Variants in DPP10 observed in about 807,000 individuals in gnomAD.
DPP10 encodes the protein dipeptidyl peptidase like 10.
Under a neutral mutation model 120.9 loss-of-function variants are expected in DPP10, and 33 were observed. That is an observed-to-expected ratio of 0.27 (90% CI 0.21 to 0.37). The LOEUF is 0.37. DPP10 is among the 10% of genes least tolerant of loss of function. The pLI is 1.00. For synonymous variants in DPP10, 337 were observed against 326.1 expected (o/e 1.03, Z -0.36); for missense variants, 816 against 942.8 (o/e 0.87, Z 1.76).
intron 3 of DPP10, among the ~76,000 whole-genome samples, chr2:115,448,551 G>T (rs542718328): frequency 1.3e-5 from 2 of 152,222 alleles, no homozygotes; most frequent in South Asian, 4.1e-4. Context: ...TCCAATGTTT[G>T]TAAAACTTGC....
At chr2:115,493,957 A>G (rs1261361447) in intron 3 of DPP10, among the ~76,000 whole-genome samples, 2 of 151,952 alleles carry the variant, frequency 1.3e-5, no homozygotes, top group Non-Finnish European at 2.9e-5. Context: ...TTATTTATTT[A>G]TTTATTTTTT....
intron 8 of DPP10, among the ~76,000 whole-genome samples, chr2:115,733,817 A>G (rs1241949782): frequency 4.6e-5 from 7 of 152,234 alleles, no homozygotes; most frequent in Admixed American, 1.3e-4. Flanking sequence ...TGAAAACTCC[A>G]TCTGCTCTGC....
At chr2:115,485,795 C>T (rs1285740326) in intron 3 of DPP10, among the ~76,000 whole-genome samples, 1 of 152,068 alleles carries the variant, frequency 6.6e-6, no homozygotes, top group African/African-American at 2.4e-5. Flanking sequence ...AGAACTATAA[C>T]ATCTATTAAT....
At chr2:115,200,872 T>C (rs1264789059) in intron 1 of DPP10, among the ~76,000 whole-genome samples, 1 of 152,180 alleles carries the variant, frequency 6.6e-6, no homozygotes, top group African/African-American at 2.4e-5. Context: ...TATTTGCAGT[T>C]CCTGAAGACT....
At position 115,152,837 on chromosome 2, in the gene DPP10, C is replaced by A. The variant is rs191070849; in HGVS notation, c.61-156402C>A. Among the ~76,000 whole-genome samples, 88 of 152,220 alleles carry A rather than the reference C, an allele frequency of 5.8e-4. 1 individual carries two copies. Among genetic ancestry groups the A allele is most frequent in the African/African-American group, 2.0e-3 (82 of 41,550 alleles). ...AACAGCTGAGATTTTATACTGCTTT[C>A]GAGCTAATGAGTTAACCCGCCAGGT... On this transcript the variant is annotated intron_variant, in intron 1 of 25. Coordinates refer to ENST00000410059, the MANE Select transcript of DPP10 (RefSeq NM_020868.6).
At chr2:115,757,215 C>T (rs1479580460) in intron 11 of DPP10, among the ~76,000 whole-genome samples, 4 of 151,938 alleles carry the variant, frequency 2.6e-5, no homozygotes, top group African/African-American at 9.7e-5. Flanking sequence ...ACTGATACCA[C>T]AACTAGACAA....
chr2:114,959,928 A>G (rs1184207456), intron 1 of DPP10, among the ~76,000 whole-genome samples: 1 of 152,034 alleles, frequency 6.6e-6, no homozygotes, highest in Non-Finnish European at 1.5e-5. Flanking sequence ...TTATTTTTTT[A>G]TTATCAAGTT....
At chr2:115,417,477 A>G (rs1443704035) in intron 3 of DPP10, among the ~76,000 whole-genome samples, 1 of 152,224 alleles carries the variant, frequency 6.6e-6, no homozygotes, top group African/African-American at 2.4e-5. Context: ...TGTTATAATA[A>G]CAACATAGTT....
chr2:114,529,608 G>T (rs759043984), intron 1 of DPP10, among the ~76,000 whole-genome samples: 85 of 152,224 alleles, frequency 5.6e-4, no homozygotes, highest in Non-Finnish European at 9.1e-4. Context: ...TCTGTTTTCA[G>T]AAATTCTCTG....
At chr2:115,398,276 T>G (rs2067827781) in intron 3 of DPP10, among the ~76,000 whole-genome samples, 1 of 152,084 alleles carries the variant, frequency 6.6e-6, no homozygotes, top group Admixed American at 6.6e-5. Flanking sequence ...TCCATAAATA[T>G]GTGATAAAAT....
intron 1 of DPP10, among the ~76,000 whole-genome samples, chr2:114,700,642 T>A (rs1224901936): frequency 6.6e-6 from 1 of 152,104 alleles, no homozygotes. Flanking sequence ...ACCACGTCAC[T>A]TCCTCTGCCT....
chr2:114,549,798 C>T (rs933721026), intron 1 of DPP10, among the ~76,000 whole-genome samples: 2 of 152,044 alleles, frequency 1.3e-5, no homozygotes, highest in Admixed American at 1.3e-4. Flanking sequence ...TTTGTAGCCA[C>T]TCACCATAAA....
intron 1 of DPP10, among the ~76,000 whole-genome samples, chr2:114,840,206 G>A (rs1688051197): frequency 6.6e-6 from 1 of 152,050 alleles, no homozygotes; most frequent in South Asian, 2.1e-4. Flanking sequence ...AAGTGATTAG[G>A]GATTGAATAT....
intron 3 of DPP10, among the ~76,000 whole-genome samples, chr2:115,491,939 G>T (rs1468298549): frequency 6.6e-6 from 1 of 152,142 alleles, no homozygotes; most frequent in East Asian, 1.9e-4. Flanking sequence ...GACCCAGCAG[G>T]ATTCTTGTTA....
intron 1 of DPP10, among the ~76,000 whole-genome samples, chr2:114,573,460 AC>A (rs1265098147): frequency 6.6e-6 from 1 of 152,218 alleles, no homozygotes; most frequent in East Asian, 1.9e-4. Context: ...CCTGAAAAAA[AC>A]ACCTGGGCAG....
intron 1 of DPP10, among the ~76,000 whole-genome samples, chr2:114,785,728 T>A (rs540513768): frequency 6.6e-6 from 1 of 152,218 alleles, no homozygotes; most frequent in South Asian, 2.1e-4. Context: ...AAACAGACAG[T>A]CTAAGGGGGA....
chr2:114,560,670 C>T (rs192694798), intron 1 of DPP10, among the ~76,000 whole-genome samples: 2 of 152,304 alleles, frequency 1.3e-5, no homozygotes, highest in African/African-American at 4.8e-5. Flanking sequence ...CACCTCTCCA[C>T]ACAAGCCTCA....
intron 17 of DPP10, among the ~76,000 whole-genome samples, chr2:115,785,523 G>A (rs893031089): frequency 3.9e-5 from 6 of 151,902 alleles, no homozygotes; most frequent in Non-Finnish European, 7.4e-5. Context: ...AATCATTATC[G>A]GTCTGTTCAG....
intron 1 of DPP10, among the ~76,000 whole-genome samples, chr2:114,885,028 G>A (rs889856870): frequency 1.3e-4 from 20 of 152,178 alleles, no homozygotes; most frequent in African/African-American, 4.6e-4. Context: ...TCAACAAAAC[G>A]TATATTCCCC....
Sources: gnomAD v4.1 joint callset for allele counts (sites outside exome capture counted in the v4.1 genomes callset) on GRCh38, gnomAD v4.1.1 for gene constraint, MANE v1.5 for transcripts, NCBI Gene and HGNC (gene_info 2026-07-23, HGNC 2026-07-21) for gene names.